CENPU: variants seen among roughly 807,000 people sequenced by gnomAD.
The protein encoded by CENPU is KSHV latent nuclear antigen interacting protein 1.
CENPU carries 46 observed loss-of-function variants against 56.7 expected under a neutral mutation model. That is an observed-to-expected ratio of 0.81 (90% CI 0.64 to 1.04). CENPU has a LOEUF of 1.04. CENPU is among the 50% of genes least tolerant of loss of function. The pLI is 0.00. For synonymous variants in CENPU, 166 were observed against 163.0 expected (o/e 1.02, Z -0.14); for missense variants, 510 against 490.1 (o/e 1.04, Z -0.38).
chr4:184,708,138 C>T (rs1296496128), intron 8 of CENPU, among the ~76,000 whole-genome samples: 1 of 144,834 alleles, frequency 6.9e-6, no homozygotes, highest in African/African-American at 2.5e-5. Context: ...GCAGGTGAAT[C>T]GCTTGAACCT....
At position 184,724,970 on chromosome 4, in the gene CENPU, C is replaced by G. The variant is rs936521662; in HGVS notation, c.307G>C (p.Glu103Gln). ...ATACACCAGTACCTTCTTTTTGCTTCTTTTCCTGGAGGAGTTGAAGAGAGA... is the reference window on the plus strand; with the variant it reads ...ATACACCAGTACCTTCTTTTTGCTTGTTTTCCTGGAGGAGTTGAAGAGAGA... ...LSLSSTPPGKEAKRSSDTSGN... is the reference protein window; with the variant it reads ...LSLSSTPPGKQAKRSSDTSGN... Residue 103 changes from glutamate to glutamine, a missense_variant, in exon 4 of 13, where the codon GAA (glutamate) becomes CAA (glutamine). Glu to Gln is a conservative substitution (Grantham distance 29, BLOSUM62 2). Coordinates refer to ENST00000281453, the MANE Select transcript of CENPU (RefSeq NM_024629.4). 1 of 1,606,620 alleles carries G rather than the reference C, an allele frequency of 6.2e-7. No individual in the cohort carries two copies. The highest frequency in any genetic ancestry group is 1.3e-5 in the African/African-American group (1 of 74,608).
At chr4:184,701,973 C>G (rs139446913) in intron 10 of CENPU, 116 bp downstream of exon 10, 6 of 697,482 alleles carry the variant, frequency 8.6e-6, no homozygotes, top group African/African-American at 5.5e-5. Flanking sequence ...AAAAGCCTGA[C>G]AAGATTATGA....
At chr4:184,707,049 T>G (rs558555639) in intron 8 of CENPU, among the ~76,000 whole-genome samples, 4 of 151,372 alleles carry the variant, frequency 2.6e-5, no homozygotes, top group African/African-American at 2.5e-5. Flanking sequence ...TGGTCTTGGG[T>G]GTGTTAACAG....
At chr4:184,728,866 C>T (rs1172221536) in intron 3 of CENPU, 52 bp downstream of exon 3, 7 of 1,324,664 alleles carry the variant, frequency 5.3e-6, no homozygotes, top group Non-Finnish European at 7.5e-6. Flanking sequence ...TATATCTGGC[C>T]TAAATGTTGT....
intron 3 of CENPU, among the ~76,000 whole-genome samples, chr4:184,727,918 A>G (rs1042981304): frequency 1.4e-4 from 21 of 152,238 alleles, no homozygotes; most frequent in African/African-American, 4.3e-4. Flanking sequence ...GATTCCACTG[A>G]TATGTCCAGA....
intron 8 of CENPU, among the ~76,000 whole-genome samples, chr4:184,704,817 C>T (rs577260328): frequency 6.6e-6 from 1 of 152,224 alleles, no homozygotes; most frequent in Non-Finnish European, 1.5e-5. Flanking sequence ...ACAAAGCTAC[C>T]GTTTCCTAAG....
At chr4:184,700,988 C>G (rs568663848) in intron 10 of CENPU, 107 bp from the exon 11 acceptor site, 25 of 837,182 alleles carry the variant, frequency 3.0e-5, no homozygotes, top group Non-Finnish European at 3.6e-5. Flanking sequence ...AGACCCAGTT[C>G]TTACCATCAC....
intron 12 of CENPU, among the ~76,000 whole-genome samples, chr4:184,695,928 C>T (rs1370362156): frequency 6.6e-6 from 1 of 152,144 alleles, no homozygotes; most frequent in Non-Finnish European, 1.5e-5. Context: ...GTCTCAAAGG[C>T]TGCCAATCCA....
rs962171212 is a variant in CENPU, at chr4:184,724,863, T to C, written c.320+94A>G. 4 of 809,490 alleles carry C rather than the reference T, an allele frequency of 4.9e-6. No individual in the cohort carries two copies. In the African/African-American group the frequency reaches 5.2e-5, roughly 11 times the overall value. The allele number at this position is 809,490 out of a possible 1,614,324, so 50.1% of individuals were successfully genotyped here. ...GCATAACAAGTTGGCTCAAAGGATC[T>C]TGAAATGCTTTTGTTTTATTAGCTT... On this transcript the variant is annotated intron_variant, in intron 4 of 12. Transcript: ENST00000281453.
chr4:184,695,276 A>G lies in CENPU; in HGVS notation c.*12T>C. 1 of 1,575,538 alleles carries G rather than the reference A, an allele frequency of 6.3e-7. No individual in the cohort carries two copies. Among genetic ancestry groups the G allele is most frequent in the Non-Finnish European group, 8.7e-7 (1 of 1,145,204 alleles). ...AGTCTTCCTATAGGCACATTTTAGT[A>G]GACTGCTCTTCTCATCCCTGGTCAA... On this transcript the variant is annotated 3_prime_UTR_variant, in exon 13 of 13. Coordinates refer to ENST00000281453, the MANE Select transcript of CENPU (RefSeq NM_024629.4).
chr4:184,700,626 T>C (rs1200141613), intron 11 of CENPU, among the ~76,000 whole-genome samples, 194 bp downstream of exon 11: 3 of 152,172 alleles, frequency 2.0e-5, no homozygotes, highest in Admixed American at 6.5e-5. Flanking sequence ...TCTGTGGAGA[T>C]AGATCAGTGT....
At position 184,694,965 on chromosome 4, in the gene CENPU, C is replaced by T. The variant is rs934700831; in HGVS notation, c.*323G>A. ...GCTTTGGTGTAAATTCAGGAGAAATCGCCTTATTAATTAATCAAAATTATG... is the reference window on the plus strand; with the variant it reads ...GCTTTGGTGTAAATTCAGGAGAAATTGCCTTATTAATTAATCAAAATTATG... On this transcript the variant is annotated 3_prime_UTR_variant, in exon 13 of 13. Coordinates refer to ENST00000281453, the MANE Select transcript of CENPU (RefSeq NM_024629.4). 3.5e-5 allele frequency: 20 copies of T among 568,162 alleles called. No homozygotes were observed. In the Middle Eastern group the frequency reaches 2.4e-3, roughly 67 times the overall value. 35.2% of individuals were successfully genotyped at this position (568,162 alleles called of 1,614,324 possible).
In CENPU at chr4:184,700,674, G is replaced by A. The variant is rs928016352; in HGVS notation, c.986+146C>T. 48 of 733,100 alleles carry A rather than the reference G, an allele frequency of 6.5e-5. 1 individual carries two copies. In the Middle Eastern group the frequency reaches 2.1e-3, roughly 32 times the overall value. The allele number at this position is 733,100 out of a possible 1,614,324, so 45.4% of individuals were successfully genotyped here. A position where few individuals can be genotyped will look rare whatever the true frequency, so the allele number is the denominator to read the frequency against. On this transcript the variant is annotated intron_variant, in intron 11 of 12. Coordinates refer to ENST00000281453, the MANE Select transcript of CENPU (RefSeq NM_024629.4). ...TGTCAAAAGGTGGGGCAACTAAGCA[G>A]CATACCCTGCCTTCACTGAGTATCG... is the stretch of plus-strand genomic sequence containing the variant.
chr4:184,727,116 CAAAAAAA>C (rs59124760), intron 3 of CENPU, among the ~76,000 whole-genome samples: 4 of 86,734 alleles, frequency 4.6e-5, no homozygotes, highest in Non-Finnish European at 7.3e-5. Flanking sequence ...ACTTCGTCTC[CAAAAAAA>C]AAAAAAAAAA....
At chr4:184,698,151 T>C (rs1760404673) in intron 11 of CENPU, 1 of 178,638 alleles carries the variant, frequency 5.6e-6, no homozygotes, top group African/African-American at 2.4e-5. Context: ...GGCACTACAG[T>C]CTAACACAGA....
intron 4 of CENPU, among the ~76,000 whole-genome samples, chr4:184,718,014 GGA>G: frequency 6.6e-6 from 1 of 152,314 alleles, no homozygotes; most frequent in East Asian, 1.9e-4. Flanking sequence ...CGAACGCTAG[GGA>G]AGAGTCAAAG....
chr4:184,721,624 A>T (rs932913780), intron 4 of CENPU, among the ~76,000 whole-genome samples: 24 of 104,944 alleles, frequency 2.3e-4, no homozygotes, highest in Non-Finnish European at 4.1e-4. Context: ...GACAAACTAG[A>T]TTTTAAGACA....
chr4:184,733,901 C>T (rs947290694), intron 1 of CENPU, 115 bp downstream of exon 1: 155 of 1,424,676 alleles, frequency 1.1e-4, no homozygotes, highest in Middle Eastern at 5.4e-4. Context: ...ATTGGCCACT[C>T]GGGCGACCTC....
At chr4:184,700,217 G>A (rs182789085) in intron 11 of CENPU, among the ~76,000 whole-genome samples, 2 of 152,206 alleles carry the variant, frequency 1.3e-5, no homozygotes, top group Non-Finnish European at 2.9e-5. Context: ...CTGGCCTGCA[G>A]GGCCTGGTAA....
Sources: gnomAD v4.1 joint callset for allele counts (sites outside exome capture counted in the v4.1 genomes callset) on GRCh38, gnomAD v4.1.1 for gene constraint, MANE v1.5 for transcripts, NCBI Gene and HGNC (gene_info 2026-07-23, HGNC 2026-07-21) for gene names.